SLC16A12: variants seen among roughly 807,000 people sequenced by gnomAD.
SLC16A12 encodes the protein monocarboxylate transporter 12.
SLC16A12 carries 17 observed loss-of-function variants against 42.4 expected under a neutral mutation model. That is an observed-to-expected ratio of 0.40 (90% CI 0.27 to 0.60). SLC16A12 has a LOEUF of 0.60. Among genes scored for constraint, SLC16A12 ranks in the 20% least tolerant of loss-of-function variants. The probability of loss-of-function intolerance (pLI) is 0.42; values close to 1 mark genes in which losing one functional copy is unlikely to be tolerated. For missense variants in SLC16A12, 544 were observed against 623.0 expected, an observed-to-expected ratio of 0.87 and a Z score of 1.35; for synonymous variants, 224 against 229.4, an observed-to-expected ratio of 0.98 and a Z score of 0.21.
chr10:89,435,894 A>G (rs1237736819), intron 7 of SLC16A12, among the ~76,000 whole-genome samples, 166 bp downstream of exon 7: 2 of 152,180 alleles, frequency 1.3e-5, no homozygotes, highest in Non-Finnish European at 2.9e-5. Flanking sequence ...TAAAACAAGG[A>G]TGTAGGTGGG....
rs1362680526 is a variant in SLC16A12, at chr10:89,444,648, C to T, written c.201-789G>A. Among the ~76,000 whole-genome samples, 6 of 152,040 alleles carry T rather than the reference C, an allele frequency of 3.9e-5. No individual in the cohort carries two copies. The East Asian group carries it at 5.8e-4, about 15-fold the overall frequency. ...GTAAATAGAAAATTTCCTGGATGGC[C>T]GAATAGGAACAGCTCTGGTCTGCAG... On this transcript the variant is annotated intron_variant, in intron 3 of 7. Coordinates refer to ENST00000371790, the MANE Select transcript of SLC16A12 (RefSeq NM_213606.4).
At chr10:89,521,452 G>A (rs1843354688) in intron 2 of SLC16A12, among the ~76,000 whole-genome samples, 1 of 152,192 alleles carries the variant, frequency 6.6e-6, no homozygotes, top group South Asian at 2.1e-4. Flanking sequence ...ACGGGCAGAG[G>A]AGAAAAAGAA....
At chr10:89,554,041 A>G (rs1012899806) in intron 2 of SLC16A12, among the ~76,000 whole-genome samples, 9 of 46,230 alleles carry the variant, frequency 1.9e-4, no homozygotes, top group African/African-American at 3.0e-4. Context: ...AGGAAGAAAG[A>G]AAGAAAGAAA....
chr10:89,438,479 C>T, intron 6 of SLC16A12, 125 bp downstream of exon 6: 2 of 884,806 alleles, frequency 2.3e-6, no homozygotes, highest in South Asian at 3.6e-5. Context: ...AGGGAGATGC[C>T]TTCAGATACT....
chr10:89,522,988 C>T (rs1299533530), intron 2 of SLC16A12, among the ~76,000 whole-genome samples: 1 of 152,182 alleles, frequency 6.6e-6, no homozygotes, highest in African/African-American at 2.4e-5. Flanking sequence ...CCTATTTCTC[C>T]AATTTATTCA....
intron 2 of SLC16A12, among the ~76,000 whole-genome samples, chr10:89,508,256 CAAATCAATAGAA>C (rs1254891419): frequency 6.6e-6 from 1 of 152,168 alleles, no homozygotes; most frequent in African/African-American, 2.4e-5. Flanking sequence ...CTCTCCACTC[CAAATCAATAGAA>C]TATACATTCT....
At chr10:89,507,375 C>G (rs1022072721) in intron 2 of SLC16A12, among the ~76,000 whole-genome samples, 5 of 152,338 alleles carry the variant, frequency 3.3e-5, no homozygotes, top group African/African-American at 1.2e-4. Context: ...CAGCAGATCT[C>G]TCAGCAGAAA....
intron 2 of SLC16A12, among the ~76,000 whole-genome samples, chr10:89,553,635 G>A (rs907084916): frequency 7.2e-5 from 11 of 152,178 alleles, no homozygotes; most frequent in African/African-American, 2.7e-4. Context: ...ATTGCATTAG[G>A]TTAGGGAGTG....
intron 3 of SLC16A12, among the ~76,000 whole-genome samples, chr10:89,448,087 T>C (rs962808619): frequency 6.6e-6 from 1 of 152,088 alleles, no homozygotes; most frequent in South Asian, 2.1e-4. Flanking sequence ...AATAGACCAA[T>C]AACAGGCTCT....
chr10:89,531,544 T>C (rs1047872818), intron 2 of SLC16A12, among the ~76,000 whole-genome samples: 1 of 151,932 alleles, frequency 6.6e-6, no homozygotes, highest in Non-Finnish European at 1.5e-5. Context: ...GCGGTCTCTG[T>C]GTCTGAGCAA....
intron 2 of SLC16A12, among the ~76,000 whole-genome samples, chr10:89,546,526 G>A (rs146191315): frequency 7.7e-4 from 118 of 152,284 alleles, no homozygotes; most frequent in African/African-American, 2.5e-3. Context: ...TAAAAAGTCA[G>A]GAAACAATAG....
At chr10:89,484,847 C>T (rs970738566) in intron 2 of SLC16A12, among the ~76,000 whole-genome samples, 4 of 152,178 alleles carry the variant, frequency 2.6e-5, no homozygotes, top group Non-Finnish European at 5.9e-5. Context: ...ATTCCACTCC[C>T]CAGCATGATC....
chr10:89,555,698 CATATATATATAT>C (rs57404736), intron 2 of SLC16A12, among the ~76,000 whole-genome samples: 1 of 124,658 alleles, frequency 8.0e-6, no homozygotes, highest in Non-Finnish European at 1.7e-5. Context: ...CACATATATA[CATATATATATAT>C]ATATATATAT....
Position 89,438,865 on chromosome 10 carries a change from G to A in SLC16A12, c.767C>T (p.Ser256Leu), listed in dbSNP as rs1287452968. 6.2e-6 allele frequency: 10 copies of A among 1,614,064 alleles called. No individual in the cohort carries two copies. Among genetic ancestry groups the A allele is most frequent in the Non-Finnish European group, 7.6e-6 (9 of 1,180,024 alleles). Residue 256 changes from serine (S) to leucine (L), a missense_variant, in exon 6 of 8, where the codon TCA becomes TTA. Coordinates refer to ENST00000371790, the MANE Select transcript of SLC16A12 (RefSeq NM_213606.4). ...CTGTGCCCATTCTTTGGTCAAAGAT[G>A]AATAGGGAGACACCCGCTTAATGTC... ...KEDIKRVSPY[S>L]SLTKEWAQTC...
rs138552950 is a variant in SLC16A12 at position 89,438,914 on chromosome 10, G to C, written c.718C>G (p.His240Asp). The C allele has an allele frequency of 7.4e-6, 12 of 1,614,074 alleles. No homozygotes were observed. In the African/African-American group the frequency reaches 1.6e-4, roughly 22 times the overall value. The change falls in exon 6 of 8, where the codon CAT becomes GAT. Residue 240 changes from histidine to aspartate, a missense_variant. Transcript: ENST00000371790. ...TCTTCTTTCTGAGTTCTACACACAT[G>C]GTTCTGCTCTGGAGTTGTGTGGTCC... is the stretch of plus-strand genomic sequence containing the variant. ...KEDHTTPEQN[H>D]VCRTQKEDIK... is the part of the protein sequence containing the mutation.
chr10:89,478,516 G>A (rs954228532), intron 2 of SLC16A12, among the ~76,000 whole-genome samples: 24 of 152,180 alleles, frequency 1.6e-4, no homozygotes, highest in Admixed American at 1.6e-3. Context: ...CTGAGCTCAC[G>A]CTGGGCTTTG....
intron 3 of SLC16A12, among the ~76,000 whole-genome samples, chr10:89,444,260 T>A (rs1041873302): frequency 6.6e-6 from 1 of 152,166 alleles, no homozygotes; most frequent in Non-Finnish European, 1.5e-5. Context: ...AAGGAAATAA[T>A]CAGGTGATAT....
intron 2 of SLC16A12, among the ~76,000 whole-genome samples, chr10:89,488,516 A>G (rs1340594065): frequency 1.3e-5 from 2 of 152,202 alleles, no homozygotes; most frequent in Non-Finnish European, 2.9e-5. Context: ...TAGGAAACAA[A>G]CTGCCTCACA....
In SLC16A12 at chr10:89,431,478, G is replaced by A. The variant is rs1841694128; in HGVS notation, c.*1586C>T. 1 of 152,214 alleles carries A rather than the reference G, an allele frequency of 6.6e-6. No individual in the cohort carries two copies. Among genetic ancestry groups the A allele is most frequent in the Admixed American group, 6.5e-5 (1 of 15,284 alleles). The allele number at this position is 152,214 out of a possible 1,614,324, so 9.4% of individuals were successfully genotyped here. ...TTCTGAAAGCAATGTATTAACATGT[G>A]ATTTTATGAAATAATCAAGGTATAG... On this transcript the variant is annotated 3_prime_UTR_variant, in exon 8 of 8. Coordinates refer to ENST00000371790, the MANE Select transcript of SLC16A12 (RefSeq NM_213606.4).
Sources: allele counts gnomAD v4.1 joint callset (sites outside exome capture counted in the v4.1 genomes callset), GRCh38; gene constraint gnomAD v4.1.1; transcripts MANE v1.5; gene names NCBI Gene and HGNC (gene_info 2026-07-23, HGNC 2026-07-21).